The following RCL1 variants were observed in gnomAD, a reference collection of about 807,000 sequenced individuals.
The protein encoded by RCL1 is RNA terminal phosphate cyclase like 1.
Under a neutral mutation model 42.4 loss-of-function variants are expected in RCL1, and 24 were observed. The ratio of observed to expected loss-of-function variants is 0.57; its 90% CI spans 0.41 to 0.80. RCL1 has a LOEUF of 0.80. Ranked by LOEUF, RCL1 falls within the 30% of genes least tolerant of loss-of-function variation. The probability of loss-of-function intolerance (pLI) is 0.00; values close to 1 mark genes in which losing one functional copy is unlikely to be tolerated. For missense variants in RCL1, 578 were observed against 467.9 expected (o/e 1.24, Z -2.17); for synonymous variants, 228 against 177.3 (o/e 1.29, Z -2.27).
chr9:4,829,269 G>A (rs936879478), intron 3 of RCL1, among the ~76,000 whole-genome samples: 1 of 152,144 alleles, frequency 6.6e-6, no homozygotes, highest in Non-Finnish European at 1.5e-5. Context: ...TGAATGGAGA[G>A]GTGATAGACT....
intron 5 of RCL1, chr9:4,839,925 C>T (rs139119374): frequency 1.9e-5 from 19 of 985,316 alleles, no homozygotes; most frequent in Middle Eastern, 5.2e-4. Context: ...ATTGGGACCT[C>T]GGGCTGGGAG....
chr9:4,805,223 A>C (rs1843082676), intron 1 of RCL1, among the ~76,000 whole-genome samples: 1 of 152,176 alleles, frequency 6.6e-6, no homozygotes, highest in African/African-American at 2.4e-5. Context: ...AAAACAAAAA[A>C]AACAAACAAA....
chr9:4,793,235 G>A lies in RCL1; in HGVS notation c.136+8G>A, dbSNP rs1428776553. 2 of 1,587,544 alleles carry A rather than the reference G, an allele frequency of 1.3e-6. No individual in the cohort carries two copies. The highest frequency in any genetic ancestry group is 1.8e-5 in the Admixed American group (1 of 56,406). On this transcript the variant is annotated splice_region_variant and intron_variant, in intron 1 of 8. Transcript: ENST00000381750. ...ACAACCCGGGCCTCCGAGGTAACTT[G>A]GTGTGGGCGGCGCGCGGCGTGGGCG...
In RCL1 at chr9:4,844,696, T is replaced by C; in HGVS notation, c.867+15T>C. On this transcript the variant is annotated intron_variant, in intron 7 of 8. Transcript: ENST00000381750. Reference sequence around the variant, plus strand: ...AAATCTACAGGGTATGTCCACAGCTTCCTCTGATAGAGGAGTGACCAGGAA... The same window carrying C: ...AAATCTACAGGGTATGTCCACAGCTCCCTCTGATAGAGGAGTGACCAGGAA... 1 of 1,606,270 alleles carries C rather than the reference T, an allele frequency of 6.2e-7. No individual in the cohort carries two copies.
chr9:4,823,815 G>T (rs556479130), intron 2 of RCL1, among the ~76,000 whole-genome samples, 196 bp downstream of exon 2: 80 of 151,816 alleles, frequency 5.3e-4, no homozygotes, highest in African/African-American at 1.8e-3. Flanking sequence ...TAGAATTTTG[G>T]GGGGACTTAT....
At chr9:4,833,281 C>A in intron 4 of RCL1, 53 bp downstream of exon 4, 2 of 1,346,162 alleles carry the variant, frequency 1.5e-6, no homozygotes, top group Non-Finnish European at 2.1e-6. Context: ...CATTTTCCCA[C>A]TGACTCATTG....
At chr9:4,846,485 A>C (rs551714013) in intron 7 of RCL1, among the ~76,000 whole-genome samples, 2 of 152,364 alleles carry the variant, frequency 1.3e-5, no homozygotes, top group East Asian at 3.9e-4. Flanking sequence ...AAAAATGGGT[A>C]GTAACTAAAA....
At chr9:4,851,640 T>G (rs950947483) in intron 8 of RCL1, among the ~76,000 whole-genome samples, 6 of 151,980 alleles carry the variant, frequency 3.9e-5, no homozygotes, top group African/African-American at 1.5e-4. Context: ...GAGACCAAAC[T>G]AACACATTTA....
intron 1 of RCL1, among the ~76,000 whole-genome samples, chr9:4,795,392 A>C (rs1325168039): frequency 6.6e-6 from 1 of 152,178 alleles, no homozygotes; most frequent in East Asian, 1.9e-4. Flanking sequence ...CTGTCTGCTT[A>C]ATTTCTTACA....
chr9:4,859,424 G>A (rs1370030419), intron 8 of RCL1, among the ~76,000 whole-genome samples: 2 of 152,146 alleles, frequency 1.3e-5, no homozygotes, highest in African/African-American at 4.8e-5. Flanking sequence ...CCACTAGATT[G>A]AAATCCTCCT....
intron 6 of RCL1, 111 bp from the exon 7 acceptor site, chr9:4,844,414 C>G: frequency 1.3e-6 from 1 of 790,264 alleles, no homozygotes; most frequent in Admixed American, 2.5e-5. Context: ...AGAAAGAAGC[C>G]TTTGAACACA....
At chr9:4,847,131 G>A (rs1056970905) in intron 7 of RCL1, among the ~76,000 whole-genome samples, 2 of 151,978 alleles carry the variant, frequency 1.3e-5, no homozygotes, top group African/African-American at 4.8e-5. Context: ...CACCCGCCTC[G>A]GCCTCCCAAA....
intron 2 of RCL1, 26 bp downstream of exon 2, chr9:4,823,645 G>A: frequency 1.4e-6 from 2 of 1,461,784 alleles, no homozygotes; most frequent in Non-Finnish European, 1.9e-6. Context: ...ATTCCTAAAA[G>A]CACCTCCATG....
intron 1 of RCL1, among the ~76,000 whole-genome samples, chr9:4,813,806 A>T (rs969640240): frequency 2.6e-5 from 4 of 152,252 alleles, no homozygotes; most frequent in Non-Finnish European, 5.9e-5. Context: ...CATCAGTGAT[A>T]GACCGGATTA....
At chr9:4,793,279 C>T (rs751420456) in intron 1 of RCL1, 52 bp downstream of exon 1, 4 of 1,528,340 alleles carry the variant, frequency 2.6e-6, no homozygotes, top group African/African-American at 1.4e-5. Context: ...GAGGGGAGAC[C>T]GAGCTGATGC....
chr9:4,844,744 T>A, intron 7 of RCL1, 63 bp downstream of exon 7: 1 of 1,530,356 alleles, frequency 6.5e-7, no homozygotes. Context: ...CTCATTCTCA[T>A]CTCTTGGCAG....
At chr9:4,826,034 A>C (rs1382855993) in intron 2 of RCL1, among the ~76,000 whole-genome samples, 1 of 151,950 alleles carries the variant, frequency 6.6e-6, no homozygotes, top group African/African-American at 2.4e-5. Flanking sequence ...GTTCAAGACT[A>C]TCCTGGACAA....
chr9:4,805,307 T>C (rs1843084593), intron 1 of RCL1, among the ~76,000 whole-genome samples: 1 of 152,250 alleles, frequency 6.6e-6, no homozygotes, highest in Admixed American at 6.5e-5. Flanking sequence ...GAGGATCACT[T>C]GAGCCTAGGA....
At chr9:4,807,024 T>A (rs1815999459) in intron 1 of RCL1, among the ~76,000 whole-genome samples, 1 of 152,230 alleles carries the variant, frequency 6.6e-6, no homozygotes. Flanking sequence ...TGAATTAATA[T>A]GTGTAGAGTT....
Sources: gnomAD v4.1 joint callset for allele counts (sites outside exome capture counted in the v4.1 genomes callset) on GRCh38, gnomAD v4.1.1 for gene constraint, MANE v1.5 for transcripts, NCBI Gene and HGNC (gene_info 2026-07-23, HGNC 2026-07-21) for gene names.